The following GRIK4 variants were observed in gnomAD, a reference collection of about 807,000 sequenced individuals.
GRIK4 encodes glutamate ionotropic receptor kainate type subunit 4.
A neutral mutation model predicts 104.9 loss-of-function variants in GRIK4; 40 were observed. The observed-to-expected ratio is 0.38, with a 90% confidence interval of 0.30 to 0.50. The LOEUF is 0.50. GRIK4 is among the 20% of genes least tolerant of loss of function. GRIK4 has a pLI of 0.93. For missense variants in GRIK4, 1,047 were observed against 1,308.1 expected (o/e 0.80, Z 3.08); for synonymous variants, 485 against 524.9 (o/e 0.92, Z 1.04).
rs547501559 is a variant in GRIK4, at chr11:120,660,185, C to A, written c.-50-84C>A. ...AGGAGGAAAGACAAAGGGGCCTCTC[C>A]GGCTCCTGGGTGTCACTGGGATGGT... On this transcript the variant is annotated intron_variant, in intron 2 of 20. Coordinates refer to ENST00000527524, the MANE Select transcript of GRIK4 (RefSeq NM_014619.5). The A allele has an allele frequency of 1.7e-3, 1,127 of 660,966 alleles. 24 individuals are homozygous for A. The South Asian group carries it at 0.019, about 11-fold the overall frequency. The allele number at this position is 660,966 out of a possible 1,614,324, so 40.9% of individuals were successfully genotyped here.
At chr11:120,565,918 T>C (rs1338327820) in intron 1 of GRIK4, among the ~76,000 whole-genome samples, 2 of 152,010 alleles carry the variant, frequency 1.3e-5, no homozygotes. Flanking sequence ...GAGACACACG[T>C]GGTTATTCTG....
intron 1 of GRIK4, among the ~76,000 whole-genome samples, chr11:120,604,817 T>A (rs1948937995): frequency 6.6e-6 from 1 of 152,198 alleles, no homozygotes; most frequent in South Asian, 2.1e-4. Context: ...TGGCCAGACC[T>A]TGCCTCAGAC....
rs542480243 is a variant in GRIK4, at chr11:120,693,523, G to A, written c.82+33123G>A. On this transcript the variant is annotated intron_variant, in intron 3 of 20. Coordinates refer to ENST00000527524, the MANE Select transcript of GRIK4 (RefSeq NM_014619.5). Reference sequence around the variant, plus strand: ...CATCCATCCATCCATCCGTCTATCAGTTAGTCCTTTCAATAAATATTTCTT... The same window carrying A: ...CATCCATCCATCCATCCGTCTATCAATTAGTCCTTTCAATAAATATTTCTT... Among the ~76,000 whole-genome samples, 142 of 152,310 alleles carry A rather than the reference G, an allele frequency of 9.3e-4. 2 individuals carry two copies. In the Middle Eastern group the frequency reaches 0.014, roughly 15 times the overall value.
Position 120,952,993 on chromosome 11 carries a change from A to C in GRIK4, c.1700+29A>C, listed in dbSNP as rs1591324477. On this transcript the variant is annotated intron_variant, in intron 15 of 20. Coordinates refer to ENST00000527524, the MANE Select transcript of GRIK4 (RefSeq NM_014619.5). This position sits in a 1 kb window ranked among gnomAD's most constrained non-coding sequence, Gnocchi z 5.2. ...CTCTCCTCTTCCCTTCCCTGTCCTT[A>C]CACCGCCACCTCGTGTCCACCTCTG... 5.2e-6 allele frequency: 7 copies of C among 1,356,484 alleles called. No homozygotes were observed. The highest frequency in any genetic ancestry group is 1.2e-5 in the South Asian group (1 of 86,012). 84.0% of individuals were successfully genotyped at this position (1,356,484 alleles called of 1,614,324 possible). A position where few individuals can be genotyped will look rare whatever the true frequency, so the allele number is the denominator to read the frequency against.
chr11:120,594,402 G>A (rs551755131), intron 1 of GRIK4, among the ~76,000 whole-genome samples: 45 of 152,328 alleles, frequency 3.0e-4, no homozygotes, highest in Non-Finnish European at 5.0e-4. Context: ...GCCTGAGCCT[G>A]GGAGGTTGAG....
intron 1 of GRIK4, among the ~76,000 whole-genome samples, chr11:120,597,162 A>G (rs1475456226): frequency 6.6e-6 from 1 of 151,994 alleles, no homozygotes; most frequent in African/African-American, 2.4e-5. Context: ...GGGCAGCCCC[A>G]GGTAGCTTTG....
intron 3 of GRIK4, among the ~76,000 whole-genome samples, chr11:120,682,284 C>T (rs1950205893): frequency 6.6e-6 from 1 of 152,202 alleles, no homozygotes; most frequent in Admixed American, 6.5e-5. Context: ...GGCGGGAGGG[C>T]TTCCCTGCTG....
chr11:120,816,360 G>T (rs7105363), intron 5 of GRIK4, among the ~76,000 whole-genome samples: 71,840 of 151,076 alleles, frequency 0.48, 17,823 homozygotes, highest in African/African-American at 0.63. Flanking sequence ...AGGTCCTTAG[G>T]GGGCAGATGG....
chr11:120,903,540 A>T lies in GRIK4; in HGVS notation c.1273-1750A>T, dbSNP rs898437907. ...TCCTCTTTTCTCCCCTTTTCCAGGG[A>T]TTTTCCCTTCCTGCCTGTAAATACA... On this transcript the variant is annotated intron_variant, in intron 12 of 20. Coordinates refer to ENST00000527524, the MANE Select transcript of GRIK4 (RefSeq NM_014619.5). This position sits in a 1 kb window ranked among gnomAD's most constrained non-coding sequence, Gnocchi z 4.4. Among the ~76,000 whole-genome samples, 14 of 151,470 alleles carry T rather than the reference A, an allele frequency of 9.2e-5. No homozygotes were observed. Among genetic ancestry groups the T allele is most frequent in the African/African-American group, 3.4e-4 (14 of 41,136 alleles).
rs528548217 is a variant in GRIK4, at chr11:120,595,652, T to A, written c.-158-58033T>A. Among the ~76,000 whole-genome samples, 309 of 152,280 alleles carry A rather than the reference T, an allele frequency of 2.0e-3. 1 individual carries two copies. The highest frequency in any genetic ancestry group is 7.0e-3 in the African/African-American group (291 of 41,546). ...CTTTAGTCTCTGTCACTTTTTAGTC[T>A]TTGCATATGCATCTCAGTTTGCTGG... On this transcript the variant is annotated intron_variant, in intron 1 of 20. Transcript: ENST00000527524.
At chr11:120,638,527 G>C (rs1361352168) in intron 1 of GRIK4, among the ~76,000 whole-genome samples, 1 of 151,466 alleles carries the variant, frequency 6.6e-6, no homozygotes, top group Non-Finnish European at 1.5e-5. Context: ...ACCCAGGCTG[G>C]AGTGCAGTGG....
At chr11:120,757,070 A>G (rs1444531526) in intron 3 of GRIK4, among the ~76,000 whole-genome samples, 1 of 152,242 alleles carries the variant, frequency 6.6e-6, no homozygotes, top group Non-Finnish European at 1.5e-5. Flanking sequence ...CAGCAGCAGC[A>G]TCGTGGAGCT....
intron 2 of GRIK4, among the ~76,000 whole-genome samples, chr11:120,659,853 T>A (rs572239359): frequency 1.3e-5 from 2 of 152,294 alleles, no homozygotes; most frequent in East Asian, 3.9e-4. Flanking sequence ...TGACACAGGG[T>A]CCCGAGTAGC....
intron 9 of GRIK4, chr11:120,870,420 G>A (rs908491969): frequency 1.3e-5 from 2 of 152,286 alleles, no homozygotes; most frequent in Admixed American, 1.3e-4. Flanking sequence ...CATTAGAGAA[G>A]CCTGCCCACC....
At chr11:120,960,843 G>T in intron 16 of GRIK4, 66 bp from the exon 17 acceptor site, 1 of 1,283,336 alleles carries the variant, frequency 7.8e-7, no homozygotes, top group Non-Finnish European at 1.1e-6. Context: ...AGCAGGACTG[G>T]GGTCAGGGGC....
intron 3 of GRIK4, among the ~76,000 whole-genome samples, chr11:120,667,423 C>T (rs1265574717): frequency 1.3e-5 from 2 of 152,278 alleles, no homozygotes; most frequent in East Asian, 3.8e-4. Flanking sequence ...GTGGAAGCTG[C>T]TGCTAGACCT....
chr11:120,982,030 T>C, intron 19 of GRIK4, 76 bp from the exon 20 acceptor site: 1 of 999,092 alleles, frequency 1.0e-6, no homozygotes, highest in South Asian at 1.3e-5. Flanking sequence ...TTTGAATGAT[T>C]TTAGTATTTT....
chr11:120,596,683 A>G (rs1249632478), intron 1 of GRIK4, among the ~76,000 whole-genome samples: 2 of 151,236 alleles, frequency 1.3e-5, no homozygotes, highest in African/African-American at 2.4e-5. Flanking sequence ...TGTAGGGAAA[A>G]TGAGGGCAGA....
intron 11 of GRIK4, among the ~76,000 whole-genome samples, chr11:120,887,025 C>G (rs1955136856): frequency 6.6e-6 from 1 of 152,228 alleles, no homozygotes. Context: ...CCTACAGGAA[C>G]AGTATATTCC....
Sources: allele counts gnomAD v4.1 joint callset (sites outside exome capture counted in the v4.1 genomes callset), GRCh38; gene constraint gnomAD v4.1.1; non-coding constraint Gnocchi (gnomAD v3.1); transcripts MANE v1.5; gene names NCBI Gene and HGNC (gene_info 2026-07-23, HGNC 2026-07-21).